Variants in KCTD6 observed in about 807,000 individuals in gnomAD.
KCTD6 encodes the protein potassium channel tetramerization domain containing 6, also known as BTB/POZ domain-containing protein KCTD6.
KCTD6 carries 6 observed loss-of-function variants against 18.7 expected under a neutral mutation model. The ratio of observed to expected loss-of-function variants is 0.32; its 90% CI spans 0.18 to 0.63. The LOEUF (loss-of-function observed/expected upper bound fraction) is 0.63. KCTD6 is among the 30% of genes least tolerant of loss of function. KCTD6 has a pLI of 0.79. For missense variants in KCTD6, 165 were observed against 300.2 expected, an observed-to-expected ratio of 0.55 and a Z score of 3.33; for synonymous variants, 86 against 108.5, an observed-to-expected ratio of 0.79 and a Z score of 1.29.
rs550199625 is a variant in KCTD6 at position 58,497,649 on chromosome 3, T to A, written c.-43-1064T>A. 1 of 152,350 alleles carries A rather than the reference T, an allele frequency of 6.6e-6. No individual in the cohort carries two copies. The highest frequency in any genetic ancestry group is 2.4e-5 in the African/African-American group (1 of 41,576). 9.4% of individuals were successfully genotyped at this position (152,350 alleles called of 1,614,324 possible). A position where few individuals can be genotyped will look rare whatever the true frequency, so the allele number is the denominator to read the frequency against. ...ATTAGTATCTGAGCATTTCTCAGTG[T>A]CTTAAGGCTGGCTCTCCATGAGTGC... On this transcript the variant is annotated intron_variant, in intron 1 of 2. Transcript: ENST00000404589. The surrounding 1 kb of genome is among the most constrained non-coding windows in gnomAD (Gnocchi z 4.2).
rs2063205590 is a variant in KCTD6 at position 58,501,716 on chromosome 3, T to C, written c.*84T>C. On this transcript the variant is annotated 3_prime_UTR_variant, in exon 3 of 3. Transcript: ENST00000404589. The surrounding 1 kb of genome is among the most constrained non-coding windows in gnomAD (Gnocchi z 9.7). ...TTTTTTTTTAAATCACAGTGTGAGATATTTTTTTTCTTTTAAATAGTTGTA... is the reference window on the plus strand; with the variant it reads ...TTTTTTTTTAAATCACAGTGTGAGACATTTTTTTTCTTTTAAATAGTTGTA... 1.0e-6 allele frequency: 1 copy of C among 981,854 alleles called. No individual in the cohort carries two copies. Among genetic ancestry groups the C allele is most frequent in the African/African-American group, 1.7e-5 (1 of 59,178 alleles). The allele number at this position is 981,854 out of a possible 1,614,324, so 60.8% of individuals were successfully genotyped here.
Position 58,493,264 on chromosome 3 carries a change from T to G in KCTD6, c.-44+1095T>G, listed in dbSNP as rs967655104. On this transcript the variant is annotated intron_variant, in intron 1 of 2. Transcript: ENST00000404589. The surrounding 1 kb of genome is among the most constrained non-coding windows in gnomAD (Gnocchi z 4.5). ...GAAACCATCAGTCCATACTGATACT[T>G]GATTTTGTGCTATGCCTTAGATATG... Among the ~76,000 whole-genome samples, 5 of 152,242 alleles carry G rather than the reference T, an allele frequency of 3.3e-5. No individual in the cohort carries two copies. The highest frequency in any genetic ancestry group is 1.2e-4 in the African/African-American group (5 of 41,462).
Position 58,496,050 on chromosome 3 carries a change from C to T in KCTD6, c.-43-2663C>T, listed in dbSNP as rs141985932. Among the ~76,000 whole-genome samples, 122 of 152,108 alleles carry T rather than the reference C, an allele frequency of 8.0e-4. No homozygotes were observed. In the East Asian group the frequency reaches 0.015, roughly 19 times the overall value. On this transcript the variant is annotated intron_variant, in intron 1 of 2. Transcript: ENST00000404589. This position sits in a 1 kb window ranked among gnomAD's most constrained non-coding sequence, Gnocchi z 5.1. ...TCTCATTTAATCATTTGGATATTCA[C>T]GGATTGGAGTTCTTTATGTCACTAC...
chr3:58,495,656 AC>A (rs2063172179), intron 1 of KCTD6, among the ~76,000 whole-genome samples: 1 of 152,090 alleles, frequency 6.6e-6, no homozygotes, highest in Non-Finnish European at 1.5e-5. Flanking sequence ...TAGACAGTTT[AC>A]TCATTGTTAT....
At position 58,498,494 on chromosome 3, in the gene KCTD6, T is replaced by C. The variant is rs1202508347; in HGVS notation, c.-43-219T>C. 1 of 462,552 alleles carries C rather than the reference T, an allele frequency of 2.2e-6. No individual in the cohort carries two copies. Among genetic ancestry groups the C allele is most frequent in the Non-Finnish European group, 3.8e-6 (1 of 266,636 alleles). The allele number at this position is 462,552 out of a possible 1,614,324, so 28.7% of individuals were successfully genotyped here. On this transcript the variant is annotated intron_variant, in intron 1 of 2. Coordinates refer to ENST00000404589, the MANE Select transcript of KCTD6 (RefSeq NM_001128214.2). The surrounding 1 kb of genome is among the most constrained non-coding windows in gnomAD (Gnocchi z 4.6). ...TCTTTCTCTGAAAATCTTCAGTCTC[T>C]TAGTTCCAGATGGGTTCTCTATGGT...
At position 58,501,372 on chromosome 3, in the gene KCTD6, T is replaced by C. The variant is rs1275968914; in HGVS notation, c.454T>C (p.Leu152=). ...AACCATCACCACTAAGGTCCATTCC[T>C]TACTAGAAGGCATCTCAAATTATTT... ...QLTITTKVHS[L]LEGISNYFTK... The change falls in exon 3 of 3, where the codon TTA becomes CTA. Residue 152 remains leucine, a synonymous_variant. Transcript: ENST00000404589. This position sits in a 1 kb window ranked among gnomAD's most constrained non-coding sequence, Gnocchi z 9.7. 1.3e-6 allele frequency: 2 copies of C among 1,589,758 alleles called. No homozygotes were observed. The highest frequency in any genetic ancestry group is 4.5e-5 in the East Asian group (2 of 44,696).
rs370856171 is a variant in KCTD6 at position 58,498,741 on chromosome 3, G to T, written c.-15G>T. ...CCCTGAAACCTGGGCTCTTGAAGAC[G>T]CATCACTGGAGCAGATGGATAATGG... is the stretch of plus-strand genomic sequence containing the variant. On this transcript the variant is annotated 5_prime_UTR_variant, in exon 2 of 3. Transcript: ENST00000404589. The surrounding 1 kb of genome is among the most constrained non-coding windows in gnomAD (Gnocchi z 4.6). The T allele has an allele frequency of 3.1e-6, 5 of 1,609,348 alleles. No individual in the cohort carries two copies. The highest frequency in any genetic ancestry group is 4.2e-6 in the Non-Finnish European group (5 of 1,176,530).
Position 58,492,108 on chromosome 3 carries a change from G to C in KCTD6, c.-105G>C, listed in dbSNP as rs1174442807. ...CGGGCGCGGGCTCGCTTGTCCCCGC[G>C]CTCGCGCTCTCCGGCCGCGGGCATC... On this transcript the variant is annotated 5_prime_UTR_variant, in exon 1 of 3. Transcript: ENST00000404589. The surrounding 1 kb of genome is among the most constrained non-coding windows in gnomAD (Gnocchi z 6.1). 2.7e-5 allele frequency: 4 copies of C among 149,200 alleles called. No homozygotes were observed. Among genetic ancestry groups the C allele is most frequent in the African/African-American group, 9.7e-5 (4 of 41,038 alleles). The allele number at this position is 149,200 out of a possible 1,614,324, so 9.2% of individuals were successfully genotyped here. A position where few individuals can be genotyped will look rare whatever the true frequency, so the allele number is the denominator to read the frequency against.
Position 58,501,211 on chromosome 3 carries a change from T to C in KCTD6, c.293T>C (p.Ile98Thr). 1.2e-6 allele frequency: 2 copies of C among 1,614,194 alleles called. No homozygotes were observed. Among genetic ancestry groups the C allele is most frequent in the Non-Finnish European group, 1.7e-6 (2 of 1,180,032 alleles). ...CGGAAAGAAGCAGATTTTTACCAGA[T>C]TGAGCCCTTGATTCAGTGTCTCAAT... ...LLRKEADFYQ[I>T]EPLIQCLNDP... Residue 98 changes from isoleucine to threonine, a missense_variant, in exon 3 of 3, where the codon ATT becomes ACT. Ile to Thr is a moderately conservative substitution (Grantham distance 89). Transcript: ENST00000404589. This position sits in a 1 kb window ranked among gnomAD's most constrained non-coding sequence, Gnocchi z 9.7.
chr3:58,495,625 T>C (rs989664985), intron 1 of KCTD6, among the ~76,000 whole-genome samples: 4 of 152,238 alleles, frequency 2.6e-5, no homozygotes, highest in Non-Finnish European at 2.9e-5. Context: ...TTGAACTCTT[T>C]AATGCACAAT....
rs2063157345 is a variant in KCTD6, at chr3:58,492,097, C to G, written c.-116C>G. ...GCCGCCGTCGCCGGGCGCGGGCTCG[C>G]TTGTCCCCGCGCTCGCGCTCTCCGG... On this transcript the variant is annotated 5_prime_UTR_variant, in exon 1 of 3. Coordinates refer to ENST00000404589, the MANE Select transcript of KCTD6 (RefSeq NM_001128214.2). The surrounding 1 kb of genome is among the most constrained non-coding windows in gnomAD (Gnocchi z 6.1). 3 of 148,992 alleles carry G rather than the reference C, an allele frequency of 2.0e-5. No homozygotes were observed. The highest frequency in any genetic ancestry group is 3.5e-4 in the South Asian group (2 of 5,636). 9.2% of individuals were successfully genotyped at this position (148,992 alleles called of 1,614,324 possible). A position where few individuals can be genotyped will look rare whatever the true frequency, so the allele number is the denominator to read the frequency against.
chr3:58,501,590 C>A lies in KCTD6; in HGVS notation c.672C>A (p.His224Gln), dbSNP rs2063204878. Residue 224 changes from histidine (H) to glutamine (Q), a missense_variant, in exon 3 of 3, where the codon CAC becomes CAA. This residue lies in a region of KCTD6 where 106 missense variants were observed against 230.4 expected (regional missense o/e 0.46). Coordinates refer to ENST00000404589, the MANE Select transcript of KCTD6 (RefSeq NM_001128214.2). The surrounding 1 kb of genome is among the most constrained non-coding windows in gnomAD (Gnocchi z 9.7). ...GGGCCAATGAAAACACAGTGGAGCA[C>A]AACTGGACTTTCTGTAGGCTAGCCC... ...SERANENTVEHNWTFCRLARK... is the reference protein window; with the variant it reads ...SERANENTVEQNWTFCRLARK... 17 of 1,382,578 alleles carry A rather than the reference C, an allele frequency of 1.2e-5. No homozygotes were observed. The highest frequency in any genetic ancestry group is 1.5e-5 in the Non-Finnish European group (16 of 1,063,250). 85.6% of individuals were successfully genotyped at this position (1,382,578 alleles called of 1,614,324 possible). A position where few individuals can be genotyped will look rare whatever the true frequency, so the allele number is the denominator to read the frequency against.
chr3:58,492,343 G>T lies in KCTD6; in HGVS notation c.-44+174G>T, dbSNP rs2107971958. 6.7e-6 allele frequency among the ~76,000 whole-genome samples: 1 copy of T among 150,266 alleles called. No homozygotes were observed. The highest frequency in any genetic ancestry group is 2.4e-5 in the African/African-American group (1 of 41,304). On this transcript the variant is annotated intron_variant, in intron 1 of 2. Transcript: ENST00000404589. This position sits in a 1 kb window ranked among gnomAD's most constrained non-coding sequence, Gnocchi z 6.1. ...GGGACCGCGCGTCCCGGGCTGGCAC[G>T]AGCCAGCAGCGGAGGTGCCCGCGGC...
intron 2 of KCTD6, among the ~76,000 whole-genome samples, chr3:58,499,852 A>G (rs2063196789): frequency 6.6e-6 from 1 of 151,040 alleles, no homozygotes; most frequent in African/African-American, 2.4e-5. Context: ...TTTTTTTCGT[A>G]AATAGTATTT....
intron 2 of KCTD6, 68 bp from the exon 3 acceptor site, chr3:58,500,878 C>T (rs1185083396): frequency 3.0e-6 from 3 of 1,015,374 alleles, no homozygotes; most frequent in Non-Finnish European, 4.4e-6. Context: ...GTATCACTTA[C>T]TTTCTTAATT....
rs1576978851 is a variant in KCTD6, at chr3:58,497,190, C to T, written c.-43-1523C>T. Among the ~76,000 whole-genome samples, 1 of 152,308 alleles carries T rather than the reference C, an allele frequency of 6.6e-6. No individual in the cohort carries two copies. Among genetic ancestry groups the T allele is most frequent in the East Asian group, 1.9e-4 (1 of 5,188 alleles). ...AAACTGACTGCCCCATAGTCTGGTCCACATTTTAGTTGTGTGCTTTGAAGG... is the reference window on the plus strand; with the variant it reads ...AAACTGACTGCCCCATAGTCTGGTCTACATTTTAGTTGTGTGCTTTGAAGG... On this transcript the variant is annotated intron_variant, in intron 1 of 2. Coordinates refer to ENST00000404589, the MANE Select transcript of KCTD6 (RefSeq NM_001128214.2). The surrounding 1 kb of genome is among the most constrained non-coding windows in gnomAD (Gnocchi z 4.2).
rs2063176349 is a variant in KCTD6, at chr3:58,496,647, C to T, written c.-43-2066C>T. Among the ~76,000 whole-genome samples, 1 of 152,198 alleles carries T rather than the reference C, an allele frequency of 6.6e-6. No homozygotes were observed. On this transcript the variant is annotated intron_variant, in intron 1 of 2. Transcript: ENST00000404589. This position sits in a 1 kb window ranked among gnomAD's most constrained non-coding sequence, Gnocchi z 5.1. ...ATTTGAAATCTTGCTTTTCCCCTCTCACGGGCCTCTGCTGGTCCATCTGTT... is the reference window on the plus strand; with the variant it reads ...ATTTGAAATCTTGCTTTTCCCCTCTTACGGGCCTCTGCTGGTCCATCTGTT...
Position 58,501,227 on chromosome 3 carries a change from G to A in KCTD6, c.309G>A (p.Gln103=). The A allele has an allele frequency of 6.2e-7, 1 of 1,614,190 alleles. No homozygotes were observed. Residue 103 remains glutamine, a synonymous_variant, in exon 3 of 3, where the codon CAG becomes CAA. Transcript: ENST00000404589. This position sits in a 1 kb window ranked among gnomAD's most constrained non-coding sequence, Gnocchi z 9.7. Reference sequence around the variant, plus strand: ...TTTACCAGATTGAGCCCTTGATTCAGTGTCTCAATGATCCTAAGCCTTTGT... The same window carrying A: ...TTTACCAGATTGAGCCCTTGATTCAATGTCTCAATGATCCTAAGCCTTTGT... ...ADFYQIEPLI[Q]CLNDPKPLYP...
In KCTD6 at chr3:58,493,871, T is replaced by G. The variant is rs1229895825; in HGVS notation, c.-44+1702T>G. Reference sequence around the variant, plus strand: ...CAAAGAAGAAGCTGGGCATAAAGAGTGATTTTCTCAGGGTCTCATAATCAG... The same window carrying G: ...CAAAGAAGAAGCTGGGCATAAAGAGGGATTTTCTCAGGGTCTCATAATCAG... On this transcript the variant is annotated intron_variant, in intron 1 of 2. Transcript: ENST00000404589. The surrounding 1 kb of genome is among the most constrained non-coding windows in gnomAD (Gnocchi z 4.5). 6.6e-6 allele frequency: 1 copy of G among 152,152 alleles called. No homozygotes were observed. Among genetic ancestry groups the G allele is most frequent in the Non-Finnish European group, 1.5e-5 (1 of 68,026 alleles). 9.4% of individuals were successfully genotyped at this position (152,152 alleles called of 1,614,324 possible). A position where few individuals can be genotyped will look rare whatever the true frequency, so the allele number is the denominator to read the frequency against.
Sources: gnomAD v4.1 joint callset for allele counts (sites outside exome capture counted in the v4.1 genomes callset) on GRCh38, gnomAD v4.1.1 for gene constraint, gnomAD v4.1.1 regional missense constraint, Gnocchi (gnomAD v3.1) non-coding constraint, MANE v1.5 for transcripts, NCBI Gene and HGNC (gene_info 2026-07-23, HGNC 2026-07-21) for gene names.